EEFSEC: variants seen among roughly 807,000 people sequenced by gnomAD.
The protein encoded by EEFSEC is selenocysteine-specific elongation factor.
Under a neutral mutation model 42.1 loss-of-function variants are expected in EEFSEC, and 43 were observed. That is an observed-to-expected ratio of 1.02 (90% CI 0.80 to 1.32). The LOEUF (loss-of-function observed/expected upper bound fraction) is 1.32, where lower values mean the gene tolerates loss of function less well. Among genes scored for constraint, EEFSEC ranks in the 40% most tolerant of loss-of-function variants. The pLI is 0.00. For missense variants in EEFSEC, 745 were observed against 803.6 expected (o/e 0.93, Z 0.88); for synonymous variants, 354 against 339.1 (o/e 1.04, Z -0.48).
At chr3:128,345,435 C>A (rs766762368) in intron 5 of EEFSEC, among the ~76,000 whole-genome samples, 1 of 152,134 alleles carries the variant, frequency 6.6e-6, no homozygotes, top group Non-Finnish European at 1.5e-5. Flanking sequence ...GGTTATCCAG[C>A]GCAGGGGCCA....
At chr3:128,172,464 T>C (rs971928099) in intron 1 of EEFSEC, among the ~76,000 whole-genome samples, 1 of 152,216 alleles carries the variant, frequency 6.6e-6, no homozygotes, top group Non-Finnish European at 1.5e-5. Context: ...GTTATTGTTT[T>C]GTTTGTTTAT....
chr3:128,403,317 A>G (rs2068070069), intron 6 of EEFSEC, among the ~76,000 whole-genome samples: 1 of 152,160 alleles, frequency 6.6e-6, no homozygotes, highest in African/African-American at 2.4e-5. Flanking sequence ...GGAGGCTGAC[A>G]CAGGGGCGGG....
rs554535631 is a variant in EEFSEC, at chr3:128,376,121, C to T, written c.1600+17748C>T. Among the ~76,000 whole-genome samples the T allele has an allele frequency of 1.9e-4, 29 of 152,274 alleles. 1 individual carries two copies. The highest frequency in any genetic ancestry group is 6.7e-4 in the African/African-American group (28 of 41,556). ...GTAGGGTGCCTCTTTCCCAGTAACC[C>T]CACCAAAGTGCTAGAGCCCCACACC... On this transcript the variant is annotated intron_variant, in intron 6 of 6. Coordinates refer to ENST00000254730, the MANE Select transcript of EEFSEC (RefSeq NM_021937.5).
chr3:128,337,180 T>C (rs1040086095), intron 4 of EEFSEC: 1 of 152,238 alleles, frequency 6.6e-6, no homozygotes, highest in Non-Finnish European at 1.5e-5. Context: ...GTGGGCTCAC[T>C]GACCACCCCG....
At chr3:128,254,998 G>A (rs1263783371) in intron 2 of EEFSEC, among the ~76,000 whole-genome samples, 1 of 152,202 alleles carries the variant, frequency 6.6e-6, no homozygotes, top group African/African-American at 2.4e-5. Context: ...CAGTGACCAT[G>A]CAGTCAGAGA....
At chr3:128,363,783 G>C (rs2067556722) in intron 6 of EEFSEC, among the ~76,000 whole-genome samples, 1 of 152,244 alleles carries the variant, frequency 6.6e-6, no homozygotes, top group African/African-American at 2.4e-5. Flanking sequence ...TGGTGGAATA[G>C]ACTGGACTGG....
At chr3:128,212,956 A>G (rs994450660) in intron 1 of EEFSEC, among the ~76,000 whole-genome samples, 26 of 152,238 alleles carry the variant, frequency 1.7e-4, no homozygotes, top group Admixed American at 1.5e-3. Context: ...GGGGAGCAGC[A>G]GTCCTCTGCT....
chr3:128,303,932 T>G (rs1217891043), intron 4 of EEFSEC, among the ~76,000 whole-genome samples: 1 of 152,208 alleles, frequency 6.6e-6, no homozygotes, highest in Non-Finnish European at 1.5e-5. Context: ...GTAATCCTTC[T>G]TTTACTCCCG....
chr3:128,234,465 G>C (rs1425021493), intron 1 of EEFSEC, among the ~76,000 whole-genome samples: 1 of 152,136 alleles, frequency 6.6e-6, no homozygotes, highest in Non-Finnish European at 1.5e-5. Flanking sequence ...TCATCTTTGT[G>C]ACCATCCTTG....
chr3:128,397,066 T>C (rs897770661), intron 6 of EEFSEC, among the ~76,000 whole-genome samples: 5 of 152,230 alleles, frequency 3.3e-5, no homozygotes, highest in Admixed American at 1.3e-4. Context: ...TGGAAGTGTT[T>C]GGAGACAAGG....
At chr3:128,396,538 A>G (rs1735527) in intron 6 of EEFSEC, among the ~76,000 whole-genome samples, 27,618 of 152,120 alleles carry the variant, frequency 0.18, 2,915 homozygotes, top group African/African-American at 0.28. Flanking sequence ...CCGCCCTCCC[A>G]AAGCCCCCAT....
chr3:128,278,954 C>T (rs1559899615), intron 4 of EEFSEC, among the ~76,000 whole-genome samples: 1 of 152,174 alleles, frequency 6.6e-6, no homozygotes, highest in African/African-American at 2.4e-5. Context: ...GGTGACTGGG[C>T]GGAAGGTCAG....
intron 6 of EEFSEC, among the ~76,000 whole-genome samples, chr3:128,399,378 C>T (rs918156956): frequency 1.3e-5 from 2 of 152,196 alleles, no homozygotes; most frequent in African/African-American, 2.4e-5. Flanking sequence ...TGCATGAGCC[C>T]GTCGAGTGCG....
the EEFSEC span, among the ~76,000 whole-genome samples, chr3:128,421,944 GACTGATA>G: frequency 2.0e-5 from 3 of 152,180 alleles, no homozygotes; most frequent in East Asian, 5.8e-4. Flanking sequence ...TCCCCCGGCC[GACTGATA>G]ACTCCATTTC....
Position 128,256,048 on chromosome 3 carries a change from C to T in EEFSEC, c.525-6080C>T, listed in dbSNP as rs567187940. On this transcript the variant is annotated intron_variant, in intron 2 of 6. Coordinates refer to ENST00000254730, the MANE Select transcript of EEFSEC (RefSeq NM_021937.5). ...AGGCAGTATTATTCAGAGTGAGGGA[C>T]GTGCACCACATGTCACACAAGATCC... is the stretch of plus-strand genomic sequence containing the variant. Among the ~76,000 whole-genome samples the T allele has an allele frequency of 1.1e-4, 16 of 152,190 alleles. No homozygotes were observed. The East Asian group carries it at 2.1e-3, about 20-fold the overall frequency.
intron 1 of EEFSEC, among the ~76,000 whole-genome samples, chr3:128,236,967 G>A (rs2066018851): frequency 6.6e-6 from 1 of 152,236 alleles, no homozygotes; most frequent in South Asian, 2.1e-4. Flanking sequence ...ATTGCAAGGG[G>A]TAGGGACTGT....
chr3:128,169,517 A>T (rs766626029), intron 1 of EEFSEC, among the ~76,000 whole-genome samples: 1 of 152,204 alleles, frequency 6.6e-6, no homozygotes, highest in African/African-American at 2.4e-5. Context: ...GCCTGGTCTC[A>T]CTATGGCTAT....
intron 4 of EEFSEC, among the ~76,000 whole-genome samples, chr3:128,271,228 G>A (rs1288414250): frequency 2.6e-5 from 4 of 152,216 alleles, no homozygotes; most frequent in Admixed American, 6.5e-5. Flanking sequence ...GTAAGCAGCA[G>A]TGGAGATGCT....
At chr3:128,424,304 T>C in the EEFSEC span, among the ~76,000 whole-genome samples, 285 of 152,352 alleles carry the variant, frequency 1.9e-3, no homozygotes, top group Non-Finnish European at 1.8e-3. Context: ...AGTGGGGTTC[T>C]ATGGTGGAAT....
Sources: allele counts gnomAD v4.1 joint callset (sites outside exome capture counted in the v4.1 genomes callset), GRCh38; gene constraint gnomAD v4.1.1; transcripts MANE v1.5; gene names NCBI Gene and HGNC (gene_info 2026-07-23, HGNC 2026-07-21).